Variants in NPAS3 observed in about 807,000 individuals in gnomAD.
The protein encoded by NPAS3 is neuronal PAS domain-containing protein 3.
In NPAS3, 14 loss-of-function variants were observed where a neutral mutation model predicts 73.1. The ratio of observed to expected loss-of-function variants is 0.19; its 90% CI spans 0.13 to 0.30. The LOEUF is 0.30. Ranked by LOEUF, NPAS3 falls within the 10% of genes least tolerant of loss-of-function variation. The probability of loss-of-function intolerance (pLI) is 1.00; values close to 1 mark genes in which losing one functional copy is unlikely to be tolerated. For synonymous variants in NPAS3, 620 were observed against 541.5 expected (o/e 1.14, Z -2.01); for missense variants, 1,096 against 1,250.0 (o/e 0.88, Z 1.86).
At chr14:33,470,598 T>C (rs949959026) in intron 4 of NPAS3, among the ~76,000 whole-genome samples, 1 of 152,184 alleles carries the variant, frequency 6.6e-6, no homozygotes, top group Non-Finnish European at 1.5e-5. Context: ...AGGAAAATTC[T>C]TTAGAGGTGG....
chr14:33,608,498 A>C (rs536718420), intron 5 of NPAS3: 1 of 152,332 alleles, frequency 6.6e-6, no homozygotes, highest in Non-Finnish European at 1.5e-5. Flanking sequence ...AGTGAATAAA[A>C]GATGGATAGC....
At chr14:33,554,650 C>A (rs2055273916) in intron 4 of NPAS3, among the ~76,000 whole-genome samples, 1 of 152,072 alleles carries the variant, frequency 6.6e-6, no homozygotes, top group African/African-American at 2.4e-5. Flanking sequence ...GATTTTTCCC[C>A]CTTCTGTACT....
intron 4 of NPAS3, among the ~76,000 whole-genome samples, chr14:33,493,449 G>T (rs1004621149): frequency 6.6e-6 from 1 of 151,712 alleles, no homozygotes; most frequent in Admixed American, 6.6e-5. Context: ...CCATAGATTT[G>T]CTCTTCAGTT....
chr14:33,335,030 T>TTGTGTGTGTGCGTG lies in NPAS3; in HGVS notation c.386-32146_386-32145insCGTGTGTGTGTGTG, dbSNP rs1491383211. ...CTTGCTATGGCTTAGTGGTATTCCA[T>TTGTGTGTGTGCGTG]TGTGTGTGTGTGCGTGTGTGTGTGT... On this transcript the variant is annotated intron_variant, in intron 3 of 11. Coordinates refer to ENST00000356141, the Ensembl canonical transcript of NPAS3. Among the ~76,000 whole-genome samples the TTGTGTGTGTGCGTG allele has an allele frequency of 3.8e-3, 545 of 144,250 alleles. 25 individuals are homozygous for TTGTGTGTGTGCGTG. In the East Asian group the frequency reaches 0.073, roughly 19 times the overall value. The allele number at this position is 144,250 out of a possible 152,430, so 94.6% of individuals were successfully genotyped here.
intron 4 of NPAS3, among the ~76,000 whole-genome samples, chr14:33,475,833 C>A (rs1032359032): frequency 6.6e-6 from 1 of 152,186 alleles, no homozygotes; most frequent in South Asian, 2.1e-4. Flanking sequence ...GTTACTTCAC[C>A]CTGGCATTCA....
At chr14:33,059,663 G>C (rs1485472885) in intron 2 of NPAS3, among the ~76,000 whole-genome samples, 1 of 152,030 alleles carries the variant, frequency 6.6e-6, no homozygotes, top group Non-Finnish European at 1.5e-5. Flanking sequence ...GTAAAGTAGT[G>C]GATTTCATCA....
At chr14:33,179,377 A>G (rs527244860) in intron 2 of NPAS3, among the ~76,000 whole-genome samples, 11 of 152,340 alleles carry the variant, frequency 7.2e-5, no homozygotes, top group Non-Finnish European at 1.5e-4. Context: ...GAAAACAAAA[A>G]CAATTTTATC....
intron 3 of NPAS3, among the ~76,000 whole-genome samples, chr14:33,293,304 G>GTTA (rs2042171616): frequency 6.6e-6 from 1 of 152,164 alleles, no homozygotes; most frequent in Non-Finnish European, 1.5e-5. Flanking sequence ...TAATTTATAA[G>GTTA]CAGAAAAAAT....
intron 5 of NPAS3, among the ~76,000 whole-genome samples, chr14:33,590,419 G>T (rs1035055010): frequency 6.6e-6 from 1 of 152,102 alleles, no homozygotes; most frequent in African/African-American, 2.4e-5. Context: ...TTTGACATGT[G>T]AACCACTTGC....
intron 4 of NPAS3, among the ~76,000 whole-genome samples, chr14:33,453,500 C>T (rs563956567): frequency 6.6e-6 from 1 of 152,186 alleles, no homozygotes; most frequent in East Asian, 1.9e-4. Context: ...CTTTTAAGGG[C>T]TATGATTAAA....
intron 1 of NPAS3, among the ~76,000 whole-genome samples, chr14:32,952,602 AT>A (rs1248158176): frequency 6.6e-6 from 1 of 152,046 alleles, no homozygotes; most frequent in Non-Finnish European, 1.5e-5. Context: ...GAAAAAAAAA[AT>A]TTAATTTTAT....
chr14:33,403,793 G>A (rs2047546656), intron 4 of NPAS3, among the ~76,000 whole-genome samples: 1 of 152,006 alleles, frequency 6.6e-6, no homozygotes, highest in Admixed American at 6.6e-5. Flanking sequence ...GGACATCCAT[G>A]TGGTCAGTCT....
rs533410271 is a variant in NPAS3, at chr14:33,086,683, T to A, written c.140+30689T>A. Among the ~76,000 whole-genome samples, 14 of 152,330 alleles carry A rather than the reference T, an allele frequency of 9.2e-5. No homozygotes were observed. In the East Asian group the frequency reaches 2.1e-3, roughly 23 times the overall value. ...TCTGACCTAAAATGAATTCTAATAT[T>A]TGACCTTGTAAGATTTCTTGTCATT... is the stretch of plus-strand genomic sequence containing the variant. On this transcript the variant is annotated intron_variant, in intron 2 of 11. Transcript: ENST00000356141.
At chr14:33,416,426 G>A (rs1318398793) in intron 4 of NPAS3, among the ~76,000 whole-genome samples, 2 of 151,970 alleles carry the variant, frequency 1.3e-5, no homozygotes, top group African/African-American at 2.4e-5. Context: ...CGTGTTTCTG[G>A]TAAGGGGTTT....
chr14:33,723,660 T>G (rs1375103349), intron 6 of NPAS3, among the ~76,000 whole-genome samples: 1 of 151,758 alleles, frequency 6.6e-6, no homozygotes. Context: ...ATGCACTGCT[T>G]CTGCTGCCAC....
chr14:33,243,289 A>G (rs1363888433), intron 3 of NPAS3, among the ~76,000 whole-genome samples: 1 of 152,108 alleles, frequency 6.6e-6, no homozygotes, highest in East Asian at 1.9e-4. Flanking sequence ...TGGGATATCT[A>G]TCTCTTTACA....
chr14:33,315,136 C>G (rs1371213617), intron 3 of NPAS3, among the ~76,000 whole-genome samples: 3 of 151,964 alleles, frequency 2.0e-5, no homozygotes, highest in Non-Finnish European at 4.4e-5. Context: ...ATAATTGAAG[C>G]TATTGTCAGA....
chr14:32,945,973 C>T (rs954622135), intron 1 of NPAS3, among the ~76,000 whole-genome samples: 1 of 152,138 alleles, frequency 6.6e-6, no homozygotes, highest in African/African-American at 2.4e-5. Flanking sequence ...ATTCATGGCT[C>T]AGAGTGTGCC....
upstream of NPAS3, among the ~76,000 whole-genome samples, chr14:32,938,621 C>A (rs979683179): frequency 6.6e-6 from 1 of 151,700 alleles, no homozygotes; most frequent in Non-Finnish European, 1.5e-5. Flanking sequence ...AAGCTGGAAC[C>A]CCCCGCGTGT....
Sources: gnomAD v4.1 joint callset for allele counts (sites outside exome capture counted in the v4.1 genomes callset) on GRCh38, gnomAD v4.1.1 for gene constraint, MANE v1.5 for transcripts, NCBI Gene and HGNC (gene_info 2026-07-23, HGNC 2026-07-21) for gene names.